ARSH: variants seen among roughly 807,000 people sequenced by gnomAD.
The protein encoded by ARSH is arylsulfatase family member H, also known as arylsulfatase H.
A neutral mutation model predicts 28.7 loss-of-function variants in ARSH; 32 were observed. That is an observed-to-expected ratio of 1.11 (90% CI 0.84 to 1.50). The LOEUF (loss-of-function observed/expected upper bound fraction) is 1.50. Ranked by LOEUF, ARSH falls within the 40% of genes most tolerant of loss-of-function variation. The pLI is 0.00. For synonymous variants in ARSH, 176 were observed against 177.3 expected (o/e 0.99, Z 0.06); for missense variants, 440 against 452.4 (o/e 0.97, Z 0.25).
intron 8 of ARSH, 32 bp from the exon 9 acceptor site, chrX:3,032,986 T>G (rs756233339): frequency 1.6e-5 from 19 of 1,174,411 alleles, no homozygotes; most frequent in Non-Finnish European, 2.2e-5. Flanking sequence ...ACCACAAAGA[T>G]GGTATCATAC....
chrX:3,008,747 T>G (rs1023292051), intron 1 of ARSH, among the ~76,000 whole-genome samples: 4 of 108,495 alleles, frequency 3.7e-5, no homozygotes, highest in Admixed American at 1.0e-4. Context: ...TTTTGTTTTT[T>G]TTTTGTTTTT....
intron 1 of ARSH, among the ~76,000 whole-genome samples, chrX:3,009,085 C>T (rs151220370): frequency 0.03 from 3,381 of 110,931 alleles, 48 homozygotes; most frequent in Middle Eastern, 0.079. Context: ...TCAATTTTAC[C>T]GTAAGATATA....
At chrX:3,016,646 T>C (rs1275492294) in intron 4 of ARSH, among the ~76,000 whole-genome samples, 1 of 111,418 alleles carries the variant, frequency 9.0e-6, no homozygotes, top group Non-Finnish European at 1.9e-5. Context: ...GGTGCAATCA[T>C]AGTTCACTGA....
In ARSH at chrX:3,033,113, G is replaced by T; in HGVS notation, c.1417G>T (p.Asp473Tyr). ...GAGTGGAATATGTTCATGTTCGGGG[G>T]ATGTAACCTACCACGACCCACCACT... The part of the protein sequence containing the change: ...YGSGICSCSG[D>Y]VTYHDPPLLF... Residue 473 changes from aspartate (D) to tyrosine (Y), a missense_variant, in exon 9 of 9, where the codon GAT (aspartate) becomes TAT (tyrosine). Physicochemically the swap from Asp to Tyr is radical, Grantham distance 160 (BLOSUM62 -3). Transcript: ENST00000381130. The T allele has an allele frequency of 8.3e-7, 1 of 1,211,136 alleles. No homozygotes were observed. Among genetic ancestry groups the T allele is most frequent in the South Asian group, 1.8e-5 (1 of 56,938 alleles).
intron 5 of ARSH, 83 bp downstream of exon 5, chrX:3,018,753 T>G: frequency 9.6e-7 from 1 of 1,039,013 alleles, no homozygotes; most frequent in East Asian, 3.2e-5. Context: ...TCAAATTATG[T>G]CCAGCCCCTT....
intron 1 of ARSH, among the ~76,000 whole-genome samples, chrX:3,008,551 T>C (rs2089837459): frequency 9.5e-6 from 1 of 105,114 alleles, no homozygotes; most frequent in Admixed American, 1.1e-4. Context: ...CTATCTCTTT[T>C]TTTTCCTTTT....
chrX:3,012,757 G>A (rs1375780440), intron 2 of ARSH, among the ~76,000 whole-genome samples: 1 of 104,864 alleles, frequency 9.5e-6, no homozygotes. Flanking sequence ...AACATTGAAG[G>A]TTAGCAGCCT....
At chrX:3,014,883 CT>C in intron 3 of ARSH, 86 bp from the exon 4 acceptor site, 1 of 946,126 alleles carries the variant, frequency 1.1e-6, no homozygotes, top group East Asian at 3.2e-5. Context: ...TTATATTTGA[CT>C]TTTCCAAAGG....
At chrX:3,023,964 A>C in intron 5 of ARSH, 57 bp from the exon 6 acceptor site, 1 of 1,188,122 alleles carries the variant, frequency 8.4e-7, no homozygotes, top group African/African-American at 1.8e-5. Flanking sequence ...ATATGTAATA[A>C]AGCAGTGGTG....
intron 4 of ARSH, among the ~76,000 whole-genome samples, chrX:3,016,203 G>A (rs1408230753): frequency 1.8e-5 from 2 of 108,638 alleles, no homozygotes; most frequent in African/African-American, 6.7e-5. Flanking sequence ...TTAGAAATGG[G>A]GTTTTGTCAT....
At position 3,012,584 on chromosome X, in the gene ARSH, T is replaced by TATATTATATATA. The variant is rs1555914124; in HGVS notation, c.215-459_215-458insTATATATAATAT. Among the ~76,000 whole-genome samples the TATATTATATATA allele has an allele frequency of 7.9e-3, 108 of 13,606 alleles. 2 individuals carry two copies. The highest frequency in any genetic ancestry group is 0.029 in the African/African-American group (106 of 3,695). 11.8% of individuals were successfully genotyped at this position (13,606 alleles called of 115,157 possible). On this transcript the variant is annotated intron_variant, in intron 2 of 8. Coordinates refer to ENST00000381130, the MANE Select transcript of ARSH (RefSeq NM_001011719.2). ...AAAAAAAAAAATATATATATATATA[T>TATATTATATATA]ATATATATATATATAATATATATAT...
At chrX:3,013,283 C>G in intron 3 of ARSH, 111 bp downstream of exon 3, 1 of 886,998 alleles carries the variant, frequency 1.1e-6, no homozygotes, top group Non-Finnish European at 1.5e-6. Flanking sequence ...TGACCGACTT[C>G]TCTTTGAGAT....
In ARSH at chrX:3,018,584, C is replaced by A. The variant is rs778305825; in HGVS notation, c.815C>A (p.Thr272Asn). Residue 272 changes from threonine (T) to asparagine (N), a missense_variant, in exon 5 of 9, where the codon ACT becomes AAT. Coordinates refer to ENST00000381130, the MANE Select transcript of ARSH (RefSeq NM_001011719.2). ...LLFFSFLHVHTPLISKKKFVG... is the reference protein window; with the variant it reads ...LLFFSFLHVHNPLISKKKFVG... ...TTTTTTTCCTTCCTGCACGTACATA[C>A]TCCACTCATCTCCAAAAAGAAGTTT... is the stretch of plus-strand genomic sequence containing the variant. 14 of 1,210,194 alleles carry A rather than the reference C, an allele frequency of 1.2e-5. No individual in the cohort carries two copies. Among genetic ancestry groups the A allele is most frequent in the Admixed American group, 2.2e-5 (1 of 45,923 alleles).
chrX:3,009,298 G>A (rs1323708788), intron 1 of ARSH, among the ~76,000 whole-genome samples: 1 of 110,090 alleles, frequency 9.1e-6, no homozygotes, highest in Non-Finnish European at 1.9e-5. Context: ...CCAACATGGT[G>A]ACACCTCATC....
At chrX:3,009,038 TA>T (rs1274888945) in intron 1 of ARSH, among the ~76,000 whole-genome samples, 4 of 111,572 alleles carry the variant, frequency 3.6e-5, no homozygotes, top group African/African-American at 1.3e-4. Context: ...GGAAATAAAT[TA>T]AACTCCAAAA....
At chrX:3,012,595 ATAT>A (rs1569122681) in intron 2 of ARSH, among the ~76,000 whole-genome samples, 8 of 30,818 alleles carry the variant, frequency 2.6e-4, no homozygotes, top group Non-Finnish European at 2.2e-4. Context: ...ATATATATAT[ATAT>A]AATATATATA....
chrX:3,020,417 G>T lies in ARSH; in HGVS notation c.901+1747G>T, dbSNP rs1320872264. On this transcript the variant is annotated intron_variant, in intron 5 of 8. Coordinates refer to ENST00000381130, the MANE Select transcript of ARSH (RefSeq NM_001011719.2). ...ATCCTGGCTAACACGGTGAAACCCC[G>T]TCTCTACTAAAAATAGAAAAAATGA... is the stretch of plus-strand genomic sequence containing the variant. Among the ~76,000 whole-genome samples the T allele has an allele frequency of 1.9e-5, 2 of 105,395 alleles. 1 individual carries two copies. The highest frequency in any genetic ancestry group is 3.9e-5 in the Non-Finnish European group (2 of 51,424). The allele number at this position is 105,395 out of a possible 115,157, so 91.5% of individuals were successfully genotyped here.
intron 8 of ARSH, among the ~76,000 whole-genome samples, chrX:3,031,074 AG>A (rs2089912639): frequency 9.1e-6 from 1 of 110,282 alleles, no homozygotes; most frequent in African/African-American, 3.3e-5. Context: ...TTGAGGCTGC[AG>A]TTGGCAATGA....
intron 2 of ARSH, 22 bp downstream of exon 2, chrX:3,010,173 A>G (rs1290842634): frequency 8.3e-7 from 1 of 1,202,519 alleles, no homozygotes; most frequent in Non-Finnish European, 1.1e-6. Context: ...AAAAGGCAGC[A>G]ACATTTCAGT....
Sources: allele counts gnomAD v4.1 joint callset (sites outside exome capture counted in the v4.1 genomes callset), GRCh38; gene constraint gnomAD v4.1.1; transcripts MANE v1.5; gene names NCBI Gene and HGNC (gene_info 2026-07-23, HGNC 2026-07-21).